Variants in PTPRT observed in about 807,000 individuals in gnomAD.
The protein encoded by PTPRT is receptor-type tyrosine-protein phosphatase T.
In PTPRT, 56 loss-of-function variants were observed where a neutral mutation model predicts 176.8. The ratio of observed to expected loss-of-function variants is 0.32; its 90% CI spans 0.26 to 0.40. The LOEUF is 0.40. Ranked by LOEUF, PTPRT falls within the 10% of genes least tolerant of loss-of-function variation. The pLI, the probability that PTPRT is intolerant of heterozygous loss-of-function variation, is 1.00. For missense variants in PTPRT, 1,540 were observed against 1,908.2 expected, an observed-to-expected ratio of 0.81 and a Z score of 3.60; for synonymous variants, 783 against 739.0, an observed-to-expected ratio of 1.06 and a Z score of -0.96.
chr20:42,218,389 G>A (rs1306144089), intron 15 of PTPRT, among the ~76,000 whole-genome samples: 3 of 152,152 alleles, frequency 2.0e-5, no homozygotes, highest in Non-Finnish European at 4.4e-5. Flanking sequence ...ATCCATTATT[G>A]TTATCAGAGT....
At chr20:42,649,727 T>G (rs910275416) in intron 7 of PTPRT, among the ~76,000 whole-genome samples, 2 of 152,182 alleles carry the variant, frequency 1.3e-5, no homozygotes, top group African/African-American at 4.8e-5. Flanking sequence ...TGTTTGCTGG[T>G]TGAGAGCAGA....
At chr20:42,455,864 C>A (rs1601058656) in intron 8 of PTPRT, among the ~76,000 whole-genome samples, 1 of 152,178 alleles carries the variant, frequency 6.6e-6, no homozygotes, top group Admixed American at 6.5e-5. Context: ...GTAAAGTCTA[C>A]TACTTTGTAC....
Position 42,848,695 on chromosome 20 carries a change from G to A in PTPRT, c.214+37112C>T, listed in dbSNP as rs191268168. 1.4e-4 allele frequency among the ~76,000 whole-genome samples: 21 copies of A among 151,968 alleles called. No individual in the cohort carries two copies. The East Asian group carries it at 1.9e-3, about 14-fold the overall frequency. On this transcript the variant is annotated intron_variant, in intron 2 of 30. Transcript: ENST00000373187. ...TTTTTTTTTCTAATTTGAGTTCCTC[G>A]TAGATTCTGGATATTGGTCCTTTGT... is the stretch of plus-strand genomic sequence containing the variant.
At chr20:42,980,941 T>C (rs1983238156) in intron 1 of PTPRT, among the ~76,000 whole-genome samples, 1 of 152,210 alleles carries the variant, frequency 6.6e-6, no homozygotes, top group South Asian at 2.1e-4. Context: ...TCTCCCAGTC[T>C]GCGGAAGAGT....
At chr20:42,098,400 C>T (rs1265927530) in intron 27 of PTPRT, 21 bp downstream of exon 27, 2 of 1,613,460 alleles carry the variant, frequency 1.2e-6, no homozygotes, top group South Asian at 1.1e-5. Context: ...CCACCTAGGG[C>T]TTGGCTTGGC....
chr20:42,742,918 A>C (rs534242102), intron 6 of PTPRT, among the ~76,000 whole-genome samples: 1 of 152,166 alleles, frequency 6.6e-6, no homozygotes, highest in East Asian at 1.9e-4. Context: ...GCCTGCTTCT[A>C]AAGTGCAGCC....
At chr20:42,654,077 C>T (rs1477532034) in intron 7 of PTPRT, among the ~76,000 whole-genome samples, 2 of 152,050 alleles carry the variant, frequency 1.3e-5, no homozygotes, top group South Asian at 2.1e-4. Context: ...GAAGCTCTTG[C>T]AGGGCTTCAA....
intron 1 of PTPRT, among the ~76,000 whole-genome samples, chr20:42,961,446 T>C (rs1981978791): frequency 6.6e-6 from 1 of 152,156 alleles, no homozygotes; most frequent in Non-Finnish European, 1.5e-5. Context: ...AGGAAGTAAG[T>C]CCTTAAAAAG....
At chr20:43,120,824 T>G (rs1287607894) in intron 1 of PTPRT, among the ~76,000 whole-genome samples, 1 of 152,232 alleles carries the variant, frequency 6.6e-6, no homozygotes, top group Non-Finnish European at 1.5e-5. Flanking sequence ...TGCATAGGTA[T>G]TTTAAGTAAA....
At chr20:42,184,094 C>G (rs534602491) in intron 16 of PTPRT, among the ~76,000 whole-genome samples, 1 of 152,272 alleles carries the variant, frequency 6.6e-6, no homozygotes, top group East Asian at 1.9e-4. Flanking sequence ...AGGTCCCAGA[C>G]ATGTTGTCCT....
intron 1 of PTPRT, among the ~76,000 whole-genome samples, chr20:43,002,890 A>C (rs1368410022): frequency 1.4e-5 from 2 of 148,034 alleles, no homozygotes; most frequent in Non-Finnish European, 3.0e-5. Flanking sequence ...TTAAAAAAAC[A>C]GAAAAACATC....
chr20:42,735,058 G>GATAT (rs2076518646), intron 6 of PTPRT, among the ~76,000 whole-genome samples: 2 of 152,156 alleles, frequency 1.3e-5, no homozygotes, highest in Admixed American at 1.3e-4. Flanking sequence ...AAGGAATTGG[G>GATAT]ATATAGTCAT....
intron 1 of PTPRT, among the ~76,000 whole-genome samples, chr20:43,112,652 C>A (rs1414540529): frequency 6.6e-6 from 1 of 152,208 alleles, no homozygotes; most frequent in East Asian, 1.9e-4. Context: ...GGAAGTTCCT[C>A]TGGTTTGAAT....
chr20:43,025,093 G>A (rs1052102629), intron 1 of PTPRT, among the ~76,000 whole-genome samples: 1 of 152,200 alleles, frequency 6.6e-6, no homozygotes, highest in African/African-American at 2.4e-5. Flanking sequence ...CTTTGTTGGT[G>A]TCTGTATCCA....
the PTPRT span, chr20:42,063,407 G>A: frequency 6.6e-6 from 1 of 152,176 alleles, no homozygotes; most frequent in Non-Finnish European, 1.5e-5. Context: ...GCCCTGCTGG[G>A]GGTGATTAGT....
intron 1 of PTPRT, among the ~76,000 whole-genome samples, chr20:43,168,013 T>G (rs1046601027): frequency 4.6e-5 from 7 of 152,210 alleles, no homozygotes; most frequent in Admixed American, 2.6e-4. Context: ...GTGGCTAACT[T>G]TGTGGTAATT....
chr20:42,186,735 T>C (rs1990798042), intron 16 of PTPRT, among the ~76,000 whole-genome samples: 1 of 151,956 alleles, frequency 6.6e-6, no homozygotes, highest in Non-Finnish European at 1.5e-5. Context: ...TATGAAAAAA[T>C]AGACTACAGA....
intron 1 of PTPRT, among the ~76,000 whole-genome samples, chr20:43,130,337 C>T (rs992466802): frequency 6.6e-6 from 1 of 152,140 alleles, no homozygotes; most frequent in Non-Finnish European, 1.5e-5. Flanking sequence ...TACCCCACCC[C>T]CTACCCCCAG....
intron 1 of PTPRT, among the ~76,000 whole-genome samples, chr20:43,050,968 A>G (rs1445834247): frequency 6.6e-6 from 1 of 152,220 alleles, no homozygotes; most frequent in African/African-American, 2.4e-5. Context: ...TTTTGAAGCT[A>G]TCAGAAGAAA....
Sources: gnomAD v4.1 joint callset for allele counts (sites outside exome capture counted in the v4.1 genomes callset) on GRCh38, gnomAD v4.1.1 for gene constraint, MANE v1.5 for transcripts, NCBI Gene and HGNC (gene_info 2026-07-23, HGNC 2026-07-21) for gene names.